The following CEP41 variants were observed in gnomAD, a reference collection of about 807,000 sequenced individuals.
CEP41 encodes centrosomal protein 41.
In CEP41, 32 loss-of-function variants were observed where a neutral mutation model predicts 44.3. That is an observed-to-expected ratio of 0.72 (90% CI 0.54 to 0.97). The LOEUF is 0.97. CEP41 is among the 50% of genes least tolerant of loss of function. The pLI is 0.00. For synonymous variants in CEP41, 151 were observed against 168.5 expected (o/e 0.90, Z 0.80); for missense variants, 432 against 455.2 (o/e 0.95, Z 0.46).
At chr7:130,418,365 AC>A (rs768771893) in intron 2 of CEP41, among the ~76,000 whole-genome samples, 6 of 152,226 alleles carry the variant, frequency 3.9e-5, no homozygotes, top group Non-Finnish European at 2.9e-5. Context: ...AGCAGAAGCC[AC>A]AATTTCTTCC....
intron 1 of CEP41, among the ~76,000 whole-genome samples, chr7:130,440,354 C>A (rs1798110533): frequency 6.6e-6 from 1 of 152,208 alleles, no homozygotes; most frequent in African/African-American, 2.4e-5. Context: ...GAGGCCTTGT[C>A]TTCTTTGTAC....
chr7:130,399,169 C>G (rs782043659), intron 10 of CEP41, 130 bp from the exon 11 acceptor site: 2 of 1,139,134 alleles, frequency 1.8e-6, no homozygotes, highest in Non-Finnish European at 2.6e-6. Flanking sequence ...TATGCAGTAT[C>G]TACTTTAGGC....
intron 2 of CEP41, chr7:130,419,149 G>T: frequency 1.0e-6 from 1 of 985,432 alleles, no homozygotes; most frequent in Non-Finnish European, 1.2e-6. Flanking sequence ...TCCCCCTAAA[G>T]GAGAAGGCTG....
At chr7:130,435,141 A>ATATTTCTCTCCATCCCT (rs1290647624) in intron 1 of CEP41, among the ~76,000 whole-genome samples, 1 of 152,214 alleles carries the variant, frequency 6.6e-6, no homozygotes, top group African/African-American at 2.4e-5. Context: ...TAAAACTCTT[A>ATATTTCTCTCCATCCCT]TATTTCTCTC....
Position 130,404,423 on chromosome 7 carries a change from G to GT in CEP41, c.422+140dup, listed in dbSNP as rs1427288949. ...GAGGTAGCATTTATATAAAGATAAA[G>GT]TAGAAGGCTGGGATTAAAATGTGAG... On this transcript the variant is annotated intron_variant, in intron 6 of 10. Coordinates refer to ENST00000223208, the MANE Select transcript of CEP41 (RefSeq NM_018718.3). 8.6e-6 allele frequency: 6 copies of GT among 697,064 alleles called. No individual in the cohort carries two copies. The African/African-American group carries it at 1.1e-4, about 13-fold the overall frequency. The allele number at this position is 697,064 out of a possible 1,614,324, so 43.2% of individuals were successfully genotyped here.
At chr7:130,401,235 TTTAGTAAATC>T (rs1171688172) in intron 8 of CEP41, 2 of 220,322 alleles carry the variant, frequency 9.1e-6, no homozygotes, top group African/African-American at 2.3e-5. Context: ...AAAGGAATAT[TTTAGTAAATC>T]ATAGTAAATC....
chr7:130,397,491 G>C lies in CEP41; in HGVS notation c.*1400C>G, dbSNP rs1796699347. The C allele has an allele frequency of 2.4e-6, 1 of 416,148 alleles. No homozygotes were observed. Among genetic ancestry groups the C allele is most frequent in the African/African-American group, 2.3e-5 (1 of 44,218 alleles). 25.8% of individuals were successfully genotyped at this position (416,148 alleles called of 1,614,324 possible). Reference sequence around the variant, plus strand: ...TCATACAAACACAGCCCCCATGCTAGAAATACTGTGGTGCATTTTTTTTTT... The same window carrying C: ...TCATACAAACACAGCCCCCATGCTACAAATACTGTGGTGCATTTTTTTTTT... On this transcript the variant is annotated 3_prime_UTR_variant, in exon 11 of 11. Coordinates refer to ENST00000223208, the MANE Select transcript of CEP41 (RefSeq NM_018718.3).
chr7:130,419,810 G>C (rs1162265318), intron 2 of CEP41: 10 of 985,192 alleles, frequency 1.0e-5, no homozygotes, highest in South Asian at 4.7e-5. Context: ...CCACATACTC[G>C]TAAGAGCTCA....
intron 1 of CEP41, chr7:130,440,478 G>C (rs1333700715): frequency 3.3e-6 from 1 of 298,678 alleles, no homozygotes; most frequent in East Asian, 9.3e-5. Flanking sequence ...CCTATGGAGA[G>C]AGGGGTAAGC....
At position 130,395,009 on chromosome 7, in the gene CEP41, C is replaced by T; in HGVS notation, c.*3882G>A. 2.2e-6 allele frequency: 1 copy of T among 454,074 alleles called. No homozygotes were observed. Among genetic ancestry groups the T allele is most frequent in the South Asian group, 1.6e-5 (1 of 64,476 alleles). The allele number at this position is 454,074 out of a possible 1,614,324, so 28.1% of individuals were successfully genotyped here. ...GATCAGCAACAGAGAGGGGAGCCAT[C>T]AGGGGATCACAATGTGACAGACACC... On this transcript the variant is annotated 3_prime_UTR_variant, in exon 11 of 11. Coordinates refer to ENST00000223208, the MANE Select transcript of CEP41 (RefSeq NM_018718.3).
Position 130,393,773 on chromosome 7 carries a change from A to G in CEP41, c.*5118T>C, listed in dbSNP as rs1464890827. 9.0e-6 allele frequency: 4 copies of G among 444,430 alleles called. No individual in the cohort carries two copies. Among genetic ancestry groups the G allele is most frequent in the African/African-American group, 2.0e-5 (1 of 49,470 alleles). The allele number at this position is 444,430 out of a possible 1,614,324, so 27.5% of individuals were successfully genotyped here. ...GGAAAGAAAAGATCAGGCACAAATC[A>G]TATCAATATGGTTTACTGAATGAAT... On this transcript the variant is annotated 3_prime_UTR_variant, in exon 11 of 11. Coordinates refer to ENST00000223208, the MANE Select transcript of CEP41 (RefSeq NM_018718.3).
At position 130,399,960 on chromosome 7, in the gene CEP41, G is replaced by A. The variant is rs1584867276; in HGVS notation, c.973+79C>T. 15 of 1,004,568 alleles carry A rather than the reference G, an allele frequency of 1.5e-5. No homozygotes were observed. The East Asian group carries it at 3.6e-4, about 24-fold the overall frequency. The allele number at this position is 1,004,568 out of a possible 1,614,324, so 62.2% of individuals were successfully genotyped here. A position where few individuals can be genotyped will look rare whatever the true frequency, so the allele number is the denominator to read the frequency against. Reference sequence around the variant, plus strand: ...TAGTATTTTAAGAATCTAAATATAAGAGATGAAGGTTTTCATATGATGAGG... The same window carrying A: ...TAGTATTTTAAGAATCTAAATATAAAAGATGAAGGTTTTCATATGATGAGG... On this transcript the variant is annotated intron_variant, in intron 10 of 10. Transcript: ENST00000223208.
rs1349743180 is a variant in CEP41 at position 130,400,078 on chromosome 7, A to G, written c.934T>C (p.Tyr312His). 2.5e-6 allele frequency: 4 copies of G among 1,612,644 alleles called. No homozygotes were observed. Among genetic ancestry groups the G allele is most frequent in the Non-Finnish European group, 3.4e-6 (4 of 1,179,488 alleles). ...FTPEDLKKIE[Y>H]YLEEEQGPAD... ...GGCCCTTGCTCCTCTTCCAGATAATATTCTATCTTTTTTAAGTCTTCTGGG... is the reference window on the plus strand; with the variant it reads ...GGCCCTTGCTCCTCTTCCAGATAATGTTCTATCTTTTTTAAGTCTTCTGGG... The change falls in exon 10 of 11, where the codon TAT (tyrosine) becomes CAT (histidine). Residue 312 changes from tyrosine to histidine, a missense_variant. Physicochemically the swap from Tyr to His is moderately conservative, Grantham distance 83. Coordinates refer to ENST00000223208, the MANE Select transcript of CEP41 (RefSeq NM_018718.3).
chr7:130,415,190 G>C (rs1159348791), intron 3 of CEP41, among the ~76,000 whole-genome samples: 2 of 152,170 alleles, frequency 1.3e-5, no homozygotes, highest in South Asian at 2.1e-4. Flanking sequence ...GGTTCACAGT[G>C]GAAGACAAAT....
intron 1 of CEP41, among the ~76,000 whole-genome samples, chr7:130,435,610 A>G (rs998382769): frequency 1.3e-5 from 2 of 152,242 alleles, no homozygotes; most frequent in Non-Finnish European, 2.9e-5. Context: ...AAGAGTATGC[A>G]AAAACTGAAT....
chr7:130,441,622 G>A (rs1554428080), upstream of CEP41, among the ~76,000 whole-genome samples: 1 of 152,188 alleles, frequency 6.6e-6, no homozygotes, highest in African/African-American at 2.4e-5. Context: ...GCTATTCTGT[G>A]GTTCATCGTT....
chr7:130,403,071 G>A (rs929098151), intron 6 of CEP41, among the ~76,000 whole-genome samples: 4 of 152,198 alleles, frequency 2.6e-5, no homozygotes, highest in Non-Finnish European at 5.9e-5. Context: ...GGCTGAGGGG[G>A]TAGGGACTGA....
At chr7:130,422,512 A>T (rs1562990870) in intron 2 of CEP41, among the ~76,000 whole-genome samples, 1 of 152,182 alleles carries the variant, frequency 6.6e-6, no homozygotes, top group Non-Finnish European at 1.5e-5. Context: ...GGCTGCAGGG[A>T]TCTGTACCCT....
chr7:130,408,530 G>A (rs1797079385), intron 5 of CEP41, among the ~76,000 whole-genome samples: 1 of 152,076 alleles, frequency 6.6e-6, no homozygotes, highest in Non-Finnish European at 1.5e-5. Flanking sequence ...AAAACTGTTA[G>A]ATACTATTTT....
Sources: allele counts gnomAD v4.1 joint callset (sites outside exome capture counted in the v4.1 genomes callset), GRCh38; gene constraint gnomAD v4.1.1; transcripts MANE v1.5; gene names NCBI Gene and HGNC (gene_info 2026-07-23, HGNC 2026-07-21).